Variants in HIVEP3 observed in about 807,000 individuals in gnomAD.
The protein encoded by HIVEP3 is transcription factor HIVEP3.
HIVEP3 carries 49 observed loss-of-function variants against 152.8 expected under a neutral mutation model. The ratio of observed to expected loss-of-function variants is 0.32; its 90% CI spans 0.26 to 0.41. The LOEUF (loss-of-function observed/expected upper bound fraction) is 0.41. Among genes scored for constraint, HIVEP3 ranks in the 10% least tolerant of loss-of-function variants. The pLI is 1.00. For synonymous variants in HIVEP3, 1,269 were observed against 1,289.0 expected (o/e 0.98, Z 0.33); for missense variants, 2,790 against 3,103.3 (o/e 0.90, Z 2.40).
chr1:41,954,910 G>A (rs141228356), intron 1 of HIVEP3, among the ~76,000 whole-genome samples: 272 of 151,938 alleles, frequency 1.8e-3, no homozygotes, highest in African/African-American at 6.3e-3. Context: ...AGTCACACTC[G>A]GTAAATGATA....
chr1:41,514,006 T>C (rs1642531047), intron 7 of HIVEP3, among the ~76,000 whole-genome samples: 1 of 152,272 alleles, frequency 6.6e-6, no homozygotes, highest in Non-Finnish European at 1.5e-5. Context: ...TTTATTCATT[T>C]AGACCTCAGA....
intron 1 of HIVEP3, among the ~76,000 whole-genome samples, chr1:41,706,987 A>G (rs1646443387): frequency 6.6e-6 from 1 of 152,230 alleles, no homozygotes; most frequent in South Asian, 2.1e-4. Flanking sequence ...AAAAAGCATC[A>G]TCATATCTAG....
chr1:41,573,868 T>C (rs1017476794), intron 5 of HIVEP3, among the ~76,000 whole-genome samples: 4 of 152,056 alleles, frequency 2.6e-5, no homozygotes, highest in Non-Finnish European at 5.9e-5. Context: ...AGTGAAGACC[T>C]GGAAGGAGGT....
chr1:41,863,687 C>T lies in HIVEP3; in HGVS notation c.-801+54726G>A, dbSNP rs532199561. Among the ~76,000 whole-genome samples, 5 of 152,336 alleles carry T rather than the reference C, an allele frequency of 3.3e-5. No individual in the cohort carries two copies. In the East Asian group the frequency reaches 9.7e-4, roughly 29 times the overall value. The stretch of plus-strand genomic sequence containing the variant: ...TCGTCAAAATTGATCTAACGGCACA[C>T]ATAAGATCTGTACATTTCACTGTAT... On this transcript the variant is annotated intron_variant, in intron 1 of 8. Transcript: ENST00000372583.
intron 1 of HIVEP3, among the ~76,000 whole-genome samples, chr1:41,875,925 A>T (rs1644162824): frequency 6.6e-6 from 1 of 152,180 alleles, no homozygotes; most frequent in South Asian, 2.1e-4. Context: ...CCCCACCGGG[A>T]TGCAAGTTCC....
chr1:41,544,836 A>T (rs1643659095), intron 5 of HIVEP3, among the ~76,000 whole-genome samples: 1 of 117,330 alleles, frequency 8.5e-6, no homozygotes, highest in Non-Finnish European at 1.7e-5. Context: ...CACCATCACC[A>T]CCACCACTAC....
intron 1 of HIVEP3, among the ~76,000 whole-genome samples, chr1:42,009,163 A>G (rs574834020): frequency 5.5e-4 from 84 of 152,174 alleles, no homozygotes; most frequent in Admixed American, 1.1e-3. Context: ...GTGAGTATAG[A>G]ATTATTAGTT....
intron 1 of HIVEP3, among the ~76,000 whole-genome samples, chr1:41,944,533 T>C (rs190256034): frequency 6.6e-6 from 1 of 151,980 alleles, no homozygotes; most frequent in Admixed American, 6.5e-5. Context: ...GGCAGCTGGG[T>C]TGCTATGAAA....
At chr1:41,659,512 A>T (rs1181029519) in intron 2 of HIVEP3, among the ~76,000 whole-genome samples, 1 of 152,206 alleles carries the variant, frequency 6.6e-6, no homozygotes, top group South Asian at 2.1e-4. Context: ...CTCAGCAAAC[A>T]TGTTCATCAA....
chr1:41,766,650 C>T (rs1250227844), intron 1 of HIVEP3, among the ~76,000 whole-genome samples: 5 of 152,172 alleles, frequency 3.3e-5, no homozygotes, highest in East Asian at 3.9e-4. Flanking sequence ...TCTTGTGTGC[C>T]GCTGGGCACA....
chr1:41,513,293 G>C lies in HIVEP3; in HGVS notation c.5928C>G (p.Gly1976=). 6.2e-7 allele frequency: 1 copy of C among 1,613,186 alleles called. No homozygotes were observed. Residue 1976 remains glycine, a synonymous_variant, in exon 8 of 9, where the codon GGC becomes GGG. Transcript: ENST00000372583. ...GTTTGCGGGCTAGTGGTGGACGGCTGCCTGCTTCTTTGCTTGGGGACCACG... is the reference window on the plus strand; with the variant it reads ...GTTTGCGGGCTAGTGGTGGACGGCTCCCTGCTTCTTTGCTTGGGGACCACG... The part of the protein sequence containing the change: ...RRPWSPSKEA[G]SRPPLARKHS...
At chr1:41,663,148 C>T (rs776044498) in intron 2 of HIVEP3, among the ~76,000 whole-genome samples, 3 of 152,236 alleles carry the variant, frequency 2.0e-5, no homozygotes, top group African/African-American at 4.8e-5. Flanking sequence ...CACAGGTCTG[C>T]GGGAAGGCCA....
intron 1 of HIVEP3, among the ~76,000 whole-genome samples, chr1:41,759,899 CGA>C (rs1401721175): frequency 1.3e-5 from 2 of 152,196 alleles, no homozygotes; most frequent in Non-Finnish European, 2.9e-5. Context: ...ATGGATAAAA[CGA>C]GAGGTGCCAT....
intron 1 of HIVEP3, among the ~76,000 whole-genome samples, chr1:41,911,664 T>G (rs938184193): frequency 1.3e-5 from 2 of 152,120 alleles, no homozygotes; most frequent in Non-Finnish European, 2.9e-5. Flanking sequence ...AATAATAGAA[T>G]AGACATATAA....
At chr1:41,877,400 A>G (rs1333051667) in intron 1 of HIVEP3, among the ~76,000 whole-genome samples, 1 of 152,188 alleles carries the variant, frequency 6.6e-6, no homozygotes, top group Non-Finnish European at 1.5e-5. Flanking sequence ...TCTTCCTCAT[A>G]GCCTTTCACA....
chr1:41,618,516 C>T (rs1396495812), intron 3 of HIVEP3, among the ~76,000 whole-genome samples: 2 of 152,208 alleles, frequency 1.3e-5, no homozygotes, highest in African/African-American at 4.8e-5. Flanking sequence ...CTGACAGCAG[C>T]GTCTGCCTGC....
chr1:41,826,735 G>A (rs560985797), intron 1 of HIVEP3, among the ~76,000 whole-genome samples: 1 of 152,320 alleles, frequency 6.6e-6, no homozygotes, highest in South Asian at 2.1e-4. Flanking sequence ...AGACGTGGTT[G>A]TGAGTTGTCT....
At chr1:41,921,101 C>T (rs1436482223), upstream of HIVEP3, among the ~76,000 whole-genome samples, 1 of 152,076 alleles carries the variant, frequency 6.6e-6, no homozygotes, top group Non-Finnish European at 1.5e-5. Flanking sequence ...CATACGGGGG[C>T]TTTTGGTTTG....
intron 2 of HIVEP3, among the ~76,000 whole-genome samples, chr1:41,648,171 C>G (rs1645489694): frequency 6.6e-6 from 1 of 152,228 alleles, no homozygotes; most frequent in Admixed American, 6.5e-5. Context: ...ACCATCCATA[C>G]CACTCCCTCA....
Sources: gnomAD v4.1 joint callset for allele counts (sites outside exome capture counted in the v4.1 genomes callset) on GRCh38, gnomAD v4.1.1 for gene constraint, MANE v1.5 for transcripts, NCBI Gene and HGNC (gene_info 2026-07-23, HGNC 2026-07-21) for gene names.